Variants in NBPF11 observed in about 807,000 individuals in gnomAD.
The protein encoded by NBPF11 is NBPF member 11.
In NBPF11, 72 loss-of-function variants were observed where a neutral mutation model predicts 93.9. The observed-to-expected ratio is 0.77, with a 90% CI of 0.63 to 0.93. NBPF11 has a LOEUF of 0.93. Ranked by LOEUF, NBPF11 falls within the 40% of genes least tolerant of loss-of-function variation. The pLI, the probability that NBPF11 is intolerant of heterozygous loss-of-function variation, is 0.00. For missense variants in NBPF11, 705 were observed against 802.2 expected (o/e 0.88, Z 1.46); for synonymous variants, 224 against 304.9 (o/e 0.73, Z 2.76).
At chr1:148,142,104 G>A (rs1427318694) in intron 2 of NBPF11, among the ~76,000 whole-genome samples, 4,336 of 148,896 alleles carry the variant, frequency 0.029, 105 homozygotes, top group Non-Finnish European at 0.046. Flanking sequence ...AAGGGAAGGA[G>A]GGAGGGAAAG....
Position 148,103,650 on chromosome 1 carries a change from T to C in NBPF11, c.*246A>G. On this transcript the variant is annotated 3_prime_UTR_variant, in exon 24 of 24. Coordinates refer to ENST00000682118, the MANE Select transcript of NBPF11 (RefSeq NM_001385469.3). ...GTCCTGCCTGCAGGAATGACACCTC[T>C]CGGCTTAGTAAGGGCTGCTTATTGT... 1 of 1,611,116 alleles carries C rather than the reference T, an allele frequency of 6.2e-7. No homozygotes were observed. The highest frequency in any genetic ancestry group is 8.5e-7 in the Non-Finnish European group (1 of 1,179,190).
Position 148,103,698 on chromosome 1 carries a change from A to G in NBPF11, c.*198T>C. ...TGTGGGAATATGACTCCCATCTGGAAGACCAGGTGGAGACTTCTCACCGTC... is the reference window on the plus strand; with the variant it reads ...TGTGGGAATATGACTCCCATCTGGAGGACCAGGTGGAGACTTCTCACCGTC... On this transcript the variant is annotated 3_prime_UTR_variant, in exon 24 of 24. Coordinates refer to ENST00000682118, the MANE Select transcript of NBPF11 (RefSeq NM_001385469.3). The G allele has an allele frequency of 1.2e-6, 2 of 1,611,340 alleles. No individual in the cohort carries two copies. The highest frequency in any genetic ancestry group is 2.2e-5 in the South Asian group (2 of 90,980).
chr1:148,148,931 G>A (rs1203174388), intron 1 of NBPF11, among the ~76,000 whole-genome samples: 4 of 151,310 alleles, frequency 2.6e-5, no homozygotes, highest in African/African-American at 9.8e-5. Flanking sequence ...GGAAACGCCA[G>A]TGAACGGCAG....
Position 148,102,536 on chromosome 1 carries a change from G to A in NBPF11, c.*1360C>T, listed in dbSNP as rs1337980145. The A allele has an allele frequency of 6.6e-6, 1 of 151,586 alleles. No individual in the cohort carries two copies. The highest frequency in any genetic ancestry group is 2.4e-5 in the African/African-American group (1 of 40,914). The allele number at this position is 151,586 out of a possible 1,614,324, so 9.4% of individuals were successfully genotyped here. A position where few individuals can be genotyped will look rare whatever the true frequency, so the allele number is the denominator to read the frequency against. On this transcript the variant is annotated 3_prime_UTR_variant, in exon 24 of 24. Coordinates refer to ENST00000682118, the MANE Select transcript of NBPF11 (RefSeq NM_001385469.3). ...AACTAGACCTTCTCTGCCCGCAGATGGGCTGAGGTTGGAAACTCACAGCAT... is the reference window on the plus strand; with the variant it reads ...AACTAGACCTTCTCTGCCCGCAGATAGGCTGAGGTTGGAAACTCACAGCAT...
intron 1 of NBPF11, among the ~76,000 whole-genome samples, chr1:148,143,993 AG>A (rs1242965151): frequency 6.6e-6 from 1 of 150,994 alleles, no homozygotes; most frequent in Non-Finnish European, 1.5e-5. Context: ...CTTGAGTTAG[AG>A]GTTAGTGAGC....
chr1:148,122,844 T>G (rs1276117991), intron 7 of NBPF11, 43 bp from the exon 8 acceptor site: 19 of 1,608,884 alleles, frequency 1.2e-5, no homozygotes, highest in African/African-American at 5.4e-5. Context: ...CCACTTCACA[T>G]TCTGCAAGCA....
chr1:148,141,011 G>C (rs1258360086), intron 2 of NBPF11, among the ~76,000 whole-genome samples: 3 of 152,156 alleles, frequency 2.0e-5, no homozygotes, highest in Middle Eastern at 6.8e-3. Flanking sequence ...AAAAGGCGTG[G>C]AGGAACTTAA....
intron 4 of NBPF11, among the ~76,000 whole-genome samples, chr1:148,134,789 C>T (rs1293722113): frequency 6.6e-6 from 1 of 151,918 alleles, no homozygotes; most frequent in Non-Finnish European, 1.5e-5. Flanking sequence ...GACTGCCAGG[C>T]TGAGGGACGA....
chr1:148,112,137 AT>A (rs1301699090), intron 15 of NBPF11, among the ~76,000 whole-genome samples: 3 of 130,876 alleles, frequency 2.3e-5, no homozygotes, highest in South Asian at 2.3e-4. Flanking sequence ...TTCCTTTATT[AT>A]TTTTTGTGTG....
chr1:148,137,011 A>C (rs11582534), intron 3 of NBPF11, among the ~76,000 whole-genome samples: 5 of 151,978 alleles, frequency 3.3e-5, no homozygotes, highest in African/African-American at 7.3e-5. Flanking sequence ...GGGGAATGTG[A>C]GTGTCCTACT....
intron 1 of NBPF11, among the ~76,000 whole-genome samples, chr1:148,151,298 C>G (rs1231365974): frequency 6.6e-6 from 1 of 151,944 alleles, no homozygotes; most frequent in Admixed American, 6.5e-5. Flanking sequence ...TTGCCCATCA[C>G]CAGCCTGGAG....
At chr1:148,106,703 G>C (rs1319485676) in intron 20 of NBPF11, among the ~76,000 whole-genome samples, 2 of 148,892 alleles carry the variant, frequency 1.3e-5, no homozygotes, top group African/African-American at 2.5e-5. Flanking sequence ...AATGTGCTGA[G>C]AGTGGGCTCA....
At chr1:148,133,522 G>T (rs1421287913) in intron 4 of NBPF11, among the ~76,000 whole-genome samples, 130 of 152,144 alleles carry the variant, frequency 8.5e-4, no homozygotes, top group Middle Eastern at 3.4e-3. Context: ...ATTTTCTGGG[G>T]TTTGTTTTTA....
rs1553267776 is a variant in NBPF11 at position 148,108,480 on chromosome 1, A to C, written c.2026+2T>G. On this transcript the variant is annotated splice_donor_variant, in intron 18 of 23. Coordinates refer to ENST00000682118, the MANE Select transcript of NBPF11 (RefSeq NM_001385469.3). LOFTEE classifies it high-confidence loss of function. The stretch of plus-strand genomic sequence containing the variant: ...TTATCACCTTCATAGAAAGGTACTC[A>C]CCATCCATGTCAACAGCCAAGCCAA... The C allele has an allele frequency of 1.3e-6, 2 of 1,541,664 alleles. No individual in the cohort carries two copies. Among genetic ancestry groups the C allele is most frequent in the Non-Finnish European group, 8.9e-7 (1 of 1,118,508 alleles).
intron 14 of NBPF11, among the ~76,000 whole-genome samples, chr1:148,115,459 T>C (rs1311217356): frequency 6.6e-6 from 1 of 150,392 alleles, no homozygotes; most frequent in African/African-American, 2.5e-5. Flanking sequence ...GCATAGAAAC[T>C]CCATGGACAT....
rs1662850248 is a variant in NBPF11, at chr1:148,103,821, G to C, written c.*75C>G. 1.2e-6 allele frequency: 2 copies of C among 1,611,618 alleles called. No individual in the cohort carries two copies. Among genetic ancestry groups the C allele is most frequent in the African/African-American group, 1.3e-5 (1 of 74,730 alleles). On this transcript the variant is annotated 3_prime_UTR_variant, in exon 24 of 24. Coordinates refer to ENST00000682118, the MANE Select transcript of NBPF11 (RefSeq NM_001385469.3). ...CTGTAGTGCTGGAATGAGTCAGGTA[G>C]TTCAAAGTACATTGATGGAGTCGAA...
At chr1:148,105,721 GACACACAC>G (rs781939834) in intron 21 of NBPF11, among the ~76,000 whole-genome samples, 193 bp from the exon 22 acceptor site, 16 of 95,974 alleles carry the variant, frequency 1.7e-4, no homozygotes, top group South Asian at 8.3e-4. Flanking sequence ...GAGAAAGACA[GACACACAC>G]ACACACACAC....
At chr1:148,121,485 C>A (rs1211787288) in intron 9 of NBPF11, among the ~76,000 whole-genome samples, 2 of 150,836 alleles carry the variant, frequency 1.3e-5, no homozygotes, top group African/African-American at 4.9e-5. Flanking sequence ...GTAGCTGGGA[C>A]TACAGGCGCC....
At chr1:148,149,426 G>C in intron 1 of NBPF11, 1 of 1,581,730 alleles carries the variant, frequency 6.3e-7, no homozygotes, top group Non-Finnish European at 8.5e-7. Context: ...GCACGGGCTG[G>C]CGCTCTACGA....
Sources: allele counts gnomAD v4.1 joint callset (sites outside exome capture counted in the v4.1 genomes callset), GRCh38; gene constraint gnomAD v4.1.1; transcripts MANE v1.5; gene names NCBI Gene and HGNC (gene_info 2026-07-23, HGNC 2026-07-21).